Variants in ZNF585A observed in about 807,000 individuals in gnomAD.
ZNF585A encodes zinc finger protein 585A.
ZNF585A carries 9 observed loss-of-function variants against 14.9 expected under a neutral mutation model. The observed-to-expected ratio is 0.60, with a 90% CI of 0.36 to 1.05. ZNF585A has a LOEUF of 1.05. ZNF585A is among the 50% of genes least tolerant of loss of function. The probability of loss-of-function intolerance (pLI) is 0.01; values close to 1 mark genes in which losing one functional copy is unlikely to be tolerated. For synonymous variants in ZNF585A, 276 were observed against 319.9 expected (o/e 0.86, Z 1.46); for missense variants, 726 against 926.4 (o/e 0.78, Z 2.81).
At chr19:37,158,629 G>A (rs1157891970) in intron 2 of ZNF585A, among the ~76,000 whole-genome samples, 1 of 152,078 alleles carries the variant, frequency 6.6e-6, no homozygotes, top group Non-Finnish European at 1.5e-5. Context: ...ACATGGAAGG[G>A]AATATTTTCT....
intron 2 of ZNF585A, among the ~76,000 whole-genome samples, chr19:37,158,230 T>C (rs1039033244): frequency 1.3e-5 from 2 of 152,080 alleles, no homozygotes; most frequent in African/African-American, 4.8e-5. Flanking sequence ...AATAAAGAAG[T>C]TAGGATAAAA....
At position 37,159,013 on chromosome 19, in the gene ZNF585A, C is replaced by T. The variant is rs186665752; in HGVS notation, c.73-2658G>A. ...CTGTAATCCCAGCACTTTGGGAGGCCGAGGCAAGTGGATTGCTTGAGGTTG... is the reference window on the plus strand; with the variant it reads ...CTGTAATCCCAGCACTTTGGGAGGCTGAGGCAAGTGGATTGCTTGAGGTTG... On this transcript the variant is annotated intron_variant, in intron 2 of 4. Coordinates refer to ENST00000292841, the MANE Select transcript of ZNF585A (RefSeq NM_001288800.2). 2.4e-3 allele frequency among the ~76,000 whole-genome samples: 368 copies of T among 151,968 alleles called. 2 individuals carry two copies. The highest frequency in any genetic ancestry group is 8.3e-3 in the African/African-American group (345 of 41,448).
At position 37,151,179 on chromosome 19, in the gene ZNF585A, T is replaced by A. The variant is rs184160123; in HGVS notation, c.*410A>T. 1,022 of 406,046 alleles carry A rather than the reference T, an allele frequency of 2.5e-3. 7 individuals are homozygous for A. Among genetic ancestry groups the A allele is most frequent in the Non-Finnish European group, 2.3e-3 (522 of 229,642 alleles). 25.2% of individuals were successfully genotyped at this position (406,046 alleles called of 1,614,324 possible). A position where few individuals can be genotyped will look rare whatever the true frequency, so the allele number is the denominator to read the frequency against. On this transcript the variant is annotated 3_prime_UTR_variant, in exon 5 of 5. Coordinates refer to ENST00000292841, the MANE Select transcript of ZNF585A (RefSeq NM_001288800.2). ...AACAACTCACATAACTTAGGATTCATCACTATCAAAATAACTACGTATTAT... is the reference window on the plus strand; with the variant it reads ...AACAACTCACATAACTTAGGATTCAACACTATCAAAATAACTACGTATTAT...
At chr19:37,164,436 G>A (rs1256723176) in intron 2 of ZNF585A, among the ~76,000 whole-genome samples, 1 of 151,638 alleles carries the variant, frequency 6.6e-6, no homozygotes, top group Non-Finnish European at 1.5e-5. Flanking sequence ...GGAAAATATA[G>A]ATAGAAATAC....
intron 1 of ZNF585A, among the ~76,000 whole-genome samples, chr19:37,171,205 T>G (rs1972175334): frequency 6.6e-6 from 1 of 152,182 alleles, no homozygotes; most frequent in Admixed American, 6.6e-5. Context: ...AAAATAAATT[T>G]TAGAAGTATA....
chr19:37,162,479 T>G (rs533584509), intron 2 of ZNF585A, among the ~76,000 whole-genome samples: 2 of 152,194 alleles, frequency 1.3e-5, no homozygotes, highest in South Asian at 4.1e-4. Flanking sequence ...ACTGGATATA[T>G]ACCCAAAGGA....
Position 37,161,301 on chromosome 19 carries a change from T to C in ZNF585A, c.73-4946A>G, listed in dbSNP as rs1166072635. Among the ~76,000 whole-genome samples, 3 of 152,136 alleles carry C rather than the reference T, an allele frequency of 2.0e-5. No homozygotes were observed. The East Asian group carries it at 5.8e-4, about 29-fold the overall frequency. The stretch of plus-strand genomic sequence containing the variant: ...AATCACGTACCACAATAAACTGGAA[T>C]TTATGGGGGAACTCTTTGTACTATA... On this transcript the variant is annotated intron_variant, in intron 2 of 4. Coordinates refer to ENST00000292841, the MANE Select transcript of ZNF585A (RefSeq NM_001288800.2).
chr19:37,162,729 C>T lies in ZNF585A; in HGVS notation c.73-6374G>A, dbSNP rs116371111. 2.6e-3 allele frequency among the ~76,000 whole-genome samples: 390 copies of T among 152,090 alleles called. 3 individuals are homozygous for T. Among genetic ancestry groups the T allele is most frequent in the African/African-American group, 9.0e-3 (375 of 41,466 alleles). ...AATCCTTAGCAAACTAATGCAGGAACGGAAACCAAATACCACACGTTCTAA... is the reference window on the plus strand; with the variant it reads ...AATCCTTAGCAAACTAATGCAGGAATGGAAACCAAATACCACACGTTCTAA... On this transcript the variant is annotated intron_variant, in intron 2 of 4. Coordinates refer to ENST00000292841, the MANE Select transcript of ZNF585A (RefSeq NM_001288800.2).
rs776087005 is a variant in ZNF585A at position 37,152,895 on chromosome 19, A to C, written c.1004T>G (p.Phe335Cys). 6.2e-7 allele frequency: 1 copy of C among 1,614,218 alleles called. No homozygotes were observed. The highest frequency in any genetic ancestry group is 8.5e-7 in the Non-Finnish European group (1 of 1,180,046). Residue 335 changes from phenylalanine (F) to cysteine (C), a missense_variant, in exon 5 of 5, where the codon TTC (phenylalanine) becomes TGC (cysteine). Around this residue, in one of 2 missense-constraint regions of ZNF585A, gnomAD observed 483 missense variants for 542.8 expected, o/e 0.89. Transcript: ENST00000292841. ...TGTAACGAGGTTGGAATTATTGCTG[A>C]AGACCTTCCCATATTCGGTACATAT... The part of the protein sequence containing the change: ...PYICTEYGKV[F>C]SNNSNLVTHK...
chr19:37,148,564 T>C lies in ZNF585A; in HGVS notation c.*3025A>G, dbSNP rs909533136. ...AGGGAAGTGAGGGGCCTGTTCTTCATCTTGATTGTGGTGTTGATTGCATGA... is the reference window on the plus strand; with the variant it reads ...AGGGAAGTGAGGGGCCTGTTCTTCACCTTGATTGTGGTGTTGATTGCATGA... On this transcript the variant is annotated 3_prime_UTR_variant, in exon 5 of 5. Coordinates refer to ENST00000292841, the MANE Select transcript of ZNF585A (RefSeq NM_001288800.2). 1.3e-5 allele frequency: 2 copies of C among 152,184 alleles called. No individual in the cohort carries two copies. The highest frequency in any genetic ancestry group is 4.8e-5 in the African/African-American group (2 of 41,438). The allele number at this position is 152,184 out of a possible 1,614,324, so 9.4% of individuals were successfully genotyped here.
At chr19:37,165,733 T>C (rs1268338578) in intron 2 of ZNF585A, 15 of 816,270 alleles carry the variant, frequency 1.8e-5, no homozygotes, top group Non-Finnish European at 2.1e-5. Flanking sequence ...AAAGCAAGGT[T>C]GAGAATAATT....
Position 37,170,049 on chromosome 19 carries a change from A to C in ZNF585A, c.-139T>G. The C allele has an allele frequency of 1.1e-6, 1 of 894,314 alleles. No individual in the cohort carries two copies. Among genetic ancestry groups the C allele is most frequent in the Non-Finnish European group, 1.7e-6 (1 of 595,918 alleles). 55.4% of individuals were successfully genotyped at this position (894,314 alleles called of 1,614,324 possible). A position where few individuals can be genotyped will look rare whatever the true frequency, so the allele number is the denominator to read the frequency against. On this transcript the variant is annotated 5_prime_UTR_variant, in exon 2 of 5. Transcript: ENST00000292841. ...GCCCAGGGGCTCCCCAGAGACACCC[A>C]GAAACCTGGAAAGACAATGTTCCCA...
intron 2 of ZNF585A, among the ~76,000 whole-genome samples, chr19:37,162,401 T>G (rs1429798822): frequency 6.6e-6 from 1 of 152,214 alleles, no homozygotes; most frequent in Admixed American, 6.5e-5. Context: ...TCAGGCCTTA[T>G]GGAAGACAGT....
intron 2 of ZNF585A, among the ~76,000 whole-genome samples, chr19:37,158,542 A>T (rs1441794722): frequency 6.6e-6 from 1 of 152,216 alleles, no homozygotes; most frequent in East Asian, 1.9e-4. Context: ...CGTACTGAAC[A>T]ATATGAAGAC....
In ZNF585A at chr19:37,153,559, T is replaced by C; in HGVS notation, c.340A>G (p.Lys114Glu). The C allele has an allele frequency of 1.2e-6, 2 of 1,613,908 alleles. No individual in the cohort carries two copies. Among genetic ancestry groups the C allele is most frequent in the Non-Finnish European group, 1.7e-6 (2 of 1,179,986 alleles). Residue 114 changes from lysine to glutamate, a missense_variant, in exon 5 of 5, where the codon AAA becomes GAA. Lys to Glu is a moderately conservative substitution (Grantham distance 56). Around this residue, in one of 2 missense-constraint regions of ZNF585A, gnomAD observed 483 missense variants for 542.8 expected, o/e 0.89. Transcript: ENST00000292841. ...TTTTGAGGTTGAGAGGATACTTGTTTATAACTGAGGATTTTTCTACATTGA... is the reference window on the plus strand; with the variant it reads ...TTTTGAGGTTGAGAGGATACTTGTTCATAACTGAGGATTTTTCTACATTGA... ...HNQCRKILSY[K>E]QVSSQPQKMY...
At chr19:37,171,294 C>T (rs1360909971) in intron 1 of ZNF585A, among the ~76,000 whole-genome samples, 5 of 152,120 alleles carry the variant, frequency 3.3e-5, no homozygotes, top group African/African-American at 1.2e-4. Context: ...ACAGAAAAAT[C>T]AGATACTTTT....
Position 37,152,316 on chromosome 19 carries a change from C to G in ZNF585A, c.1583G>C (p.Gly528Ala). Residue 528 changes from glycine (G) to alanine (A), a missense_variant, in exon 5 of 5, where the codon GGA becomes GCA. By Grantham distance (60) the Gly-to-Ala change is moderately conservative (BLOSUM62 0). Transcript: ENST00000292841. ...GTGTGACTTCTGAGTGAAGGCTTTT[C>G]CACAAGTATTGCATTCATAAGGCTT... ...GEKPYECNTC[G>A]KAFTQKSHLN... 1 of 1,614,112 alleles carries G rather than the reference C, an allele frequency of 6.2e-7. No individual in the cohort carries two copies. Among genetic ancestry groups the G allele is most frequent in the East Asian group, 2.2e-5 (1 of 44,872 alleles).
Position 37,151,075 on chromosome 19 carries a change from T to C in ZNF585A, c.*514A>G, listed in dbSNP as rs1971819659. ...TCTTGATAGAAATACTGAATGAGGG[T>C]TGGATATGACCAACTGTGGTAGATT... On this transcript the variant is annotated 3_prime_UTR_variant, in exon 5 of 5. Coordinates refer to ENST00000292841, the MANE Select transcript of ZNF585A (RefSeq NM_001288800.2). 3.1e-6 allele frequency: 1 copy of C among 324,266 alleles called. No homozygotes were observed. The highest frequency in any genetic ancestry group is 5.6e-6 in the Non-Finnish European group (1 of 179,628). 20.1% of individuals were successfully genotyped at this position (324,266 alleles called of 1,614,324 possible).
chr19:37,171,631 T>TG (rs1367985466), intron 1 of ZNF585A, among the ~76,000 whole-genome samples: 1 of 152,228 alleles, frequency 6.6e-6, no homozygotes, highest in Non-Finnish European at 1.5e-5. Context: ...CCGGGCGCAG[T>TG]GGCTCACGCC....
Sources: allele counts gnomAD v4.1 joint callset (sites outside exome capture counted in the v4.1 genomes callset), GRCh38; gene constraint gnomAD v4.1.1; regional missense constraint gnomAD v4.1.1; transcripts MANE v1.5; gene names NCBI Gene and HGNC (gene_info 2026-07-23, HGNC 2026-07-21).